The following DTHD1 variants were observed in gnomAD, a reference collection of about 807,000 sequenced individuals.
The protein encoded by DTHD1 is death domain containing 1, also known as death domain-containing protein 1.
In DTHD1, 59 loss-of-function variants were observed where a neutral mutation model predicts 74.8. The ratio of observed to expected loss-of-function variants is 0.79; its 90% CI spans 0.64 to 0.98. The LOEUF (loss-of-function observed/expected upper bound fraction) is 0.98. DTHD1 is among the 50% of genes least tolerant of loss of function. DTHD1 has a pLI of 0.00. For missense variants in DTHD1, 1,051 were observed against 1,065.4 expected, an observed-to-expected ratio of 0.99 and a Z score of 0.19; for synonymous variants, 365 against 371.1, an observed-to-expected ratio of 0.98 and a Z score of 0.19.
chr4:36,312,938 T>A (rs1002256123), intron 7 of DTHD1, among the ~76,000 whole-genome samples: 1 of 152,200 alleles, frequency 6.6e-6, no homozygotes, highest in Non-Finnish European at 1.5e-5. Context: ...TCAGTTACTG[T>A]TTAATTGCAG....
In DTHD1 at chr4:36,344,771, G is replaced by C. The variant is rs1759504933; in HGVS notation, c.*947G>C. The C allele has an allele frequency of 6.6e-6, 1 of 152,174 alleles. No homozygotes were observed. Among genetic ancestry groups the C allele is most frequent in the Non-Finnish European group, 1.5e-5 (1 of 68,032 alleles). The allele number at this position is 152,174 out of a possible 1,614,324, so 9.4% of individuals were successfully genotyped here. ...AACTTTGAAATGCCCTTGGCTGAGA[G>C]AAGGGGCTTGTTCAGATAGTTGGGA... On this transcript the variant is annotated 3_prime_UTR_variant, in exon 10 of 10. Coordinates refer to ENST00000639862, the MANE Select transcript of DTHD1 (RefSeq NM_001170700.3).
chr4:36,293,790 A>G (rs1756230958), intron 4 of DTHD1, 85 bp downstream of exon 4: 2 of 1,147,310 alleles, frequency 1.7e-6, no homozygotes, highest in Non-Finnish European at 1.2e-6. Flanking sequence ...GAAGGTATCA[A>G]TATTTAATAT....
Position 36,336,789 on chromosome 4 carries a change from A to G in DTHD1, c.2341-2323A>G, listed in dbSNP as rs531881561. Among the ~76,000 whole-genome samples the G allele has an allele frequency of 2.0e-5, 3 of 152,360 alleles. No individual in the cohort carries two copies. In the East Asian group the frequency reaches 5.8e-4, roughly 29 times the overall value. ...AACAAACAGTTTCAAAGTATATTTC[A>G]AGGCTAAAAGCAAGAAAAGAAAAAT... On this transcript the variant is annotated intron_variant, in intron 8 of 9. Coordinates refer to ENST00000639862, the MANE Select transcript of DTHD1 (RefSeq NM_001170700.3).
At chr4:36,285,298 G>C (rs1755635538) in intron 2 of DTHD1, among the ~76,000 whole-genome samples, 3 of 152,272 alleles carry the variant, frequency 2.0e-5, no homozygotes, top group African/African-American at 7.2e-5. Context: ...GGTGTTAGAA[G>C]ATTTGGAGAG....
chr4:36,319,050 T>A (rs1489775114), intron 8 of DTHD1, among the ~76,000 whole-genome samples: 1 of 152,222 alleles, frequency 6.6e-6, no homozygotes, highest in East Asian at 1.9e-4. Context: ...CACTTGTTAT[T>A]CTTATTCCCT....
intron 8 of DTHD1, among the ~76,000 whole-genome samples, chr4:36,330,760 A>G (rs1204690189): frequency 6.6e-6 from 1 of 152,162 alleles, no homozygotes; most frequent in Non-Finnish European, 1.5e-5. Flanking sequence ...TTACAAGTAC[A>G]TCCTCACTCA....
intron 9 of DTHD1, among the ~76,000 whole-genome samples, 174 bp downstream of exon 9, chr4:36,339,343 C>T (rs1309812284): frequency 1.3e-5 from 2 of 152,152 alleles, no homozygotes; most frequent in Non-Finnish European, 2.9e-5. Context: ...ACAAATAAAC[C>T]AAACTAGCAT....
At chr4:36,319,348 G>C (rs1757928840) in intron 8 of DTHD1, among the ~76,000 whole-genome samples, 1 of 152,160 alleles carries the variant, frequency 6.6e-6, no homozygotes, top group African/African-American at 2.4e-5. Context: ...AAGAACTATT[G>C]ACTTGAAGGA....
chr4:36,319,967 C>T (rs1460503091), intron 8 of DTHD1, among the ~76,000 whole-genome samples: 4 of 152,188 alleles, frequency 2.6e-5, no homozygotes, highest in African/African-American at 9.7e-5. Flanking sequence ...CCTCACTCCT[C>T]CTTTGTACCA....
rs1198741715 is a variant in DTHD1 at position 36,346,112 on chromosome 4, C to T, written c.*2288C>T. ...ACATACATAAATACATGTGCACACA[C>T]ACACACCCCTCACACACATATAGTT... On this transcript the variant is annotated 3_prime_UTR_variant, in exon 10 of 10. Transcript: ENST00000639862. Among the ~76,000 whole-genome samples, 4 of 152,054 alleles carry T rather than the reference C, an allele frequency of 2.6e-5. No individual in the cohort carries two copies. The highest frequency in any genetic ancestry group is 6.6e-5 in the Admixed American group (1 of 15,248).
chr4:36,335,848 A>G (rs16992103), intron 8 of DTHD1, among the ~76,000 whole-genome samples: 8,154 of 152,330 alleles, frequency 0.054, 277 homozygotes, highest in South Asian at 0.15. Context: ...AATTCAATAC[A>G]GGGCTATAAT....
intron 8 of DTHD1, among the ~76,000 whole-genome samples, chr4:36,338,368 T>C (rs1759128439): frequency 6.6e-6 from 1 of 152,104 alleles, no homozygotes; most frequent in Admixed American, 6.6e-5. Context: ...CGAAAGAACA[T>C]TTTAGTTGTT....
rs139431202 is a variant in DTHD1 at position 36,308,599 on chromosome 4, C to T, written c.2095+106C>T. On this transcript the variant is annotated intron_variant, in intron 7 of 9. Transcript: ENST00000639862. Reference sequence around the variant, plus strand: ...ACTAAGGAAACCTTCAGAGGATTGACGAGAGACTTTAGGAAGTAGGAAGAG... The same window carrying T: ...ACTAAGGAAACCTTCAGAGGATTGATGAGAGACTTTAGGAAGTAGGAAGAG... 376 of 904,762 alleles carry T rather than the reference C, an allele frequency of 4.2e-4. 3 individuals carry two copies. The East Asian group carries it at 8.2e-3, about 20-fold the overall frequency. The allele number at this position is 904,762 out of a possible 1,614,324, so 56.0% of individuals were successfully genotyped here. A position where few individuals can be genotyped will look rare whatever the true frequency, so the allele number is the denominator to read the frequency against.
chr4:36,286,541 C>A (rs1417603739), intron 2 of DTHD1, among the ~76,000 whole-genome samples: 1 of 152,170 alleles, frequency 6.6e-6, no homozygotes, highest in Non-Finnish European at 1.5e-5. Context: ...TCCTAGCTGT[C>A]CTGGTGTATA....
chr4:36,315,327 T>C (rs1397143556), intron 7 of DTHD1, among the ~76,000 whole-genome samples: 2 of 152,240 alleles, frequency 1.3e-5, no homozygotes, highest in African/African-American at 2.4e-5. Context: ...CAGGTTTTCA[T>C]AGAAATTTCA....
At chr4:36,303,717 T>C (rs1374577785) in intron 5 of DTHD1, among the ~76,000 whole-genome samples, 3 of 152,184 alleles carry the variant, frequency 2.0e-5, no homozygotes, top group South Asian at 2.1e-4. Flanking sequence ...AAGACAGATA[T>C]AGCACAGATT....
At chr4:36,304,165 C>T (rs886617355) in intron 5 of DTHD1, among the ~76,000 whole-genome samples, 6 of 152,104 alleles carry the variant, frequency 3.9e-5, no homozygotes, top group African/African-American at 1.4e-4. Context: ...TTGGTCTCCA[C>T]AAATACTTTA....
chr4:36,320,418 T>A (rs990886269), intron 8 of DTHD1, among the ~76,000 whole-genome samples: 2 of 152,222 alleles, frequency 1.3e-5, no homozygotes, highest in African/African-American at 4.8e-5. Flanking sequence ...CTGCAAACCT[T>A]ACAGTTACTC....
chr4:36,294,995 A>C lies in DTHD1; in HGVS notation c.1599A>C (p.Arg533Ser). ...NLGSEIDHKR[R>S]ASATINRITP... ...GTTCTGAGATAGATCATAAAAGAAG[A>C]GCAAGTGCCACAATAAATAGGATTA... is the stretch of plus-strand genomic sequence containing the variant. Residue 533 changes from arginine (R) to serine (S), a missense_variant, in exon 5 of 10, where the codon AGA becomes AGC. Arg to Ser is a moderately radical substitution (Grantham distance 110). Transcript: ENST00000639862. The C allele has an allele frequency of 6.4e-7, 1 of 1,550,924 alleles. No individual in the cohort carries two copies. Among genetic ancestry groups the C allele is most frequent in the Non-Finnish European group, 8.7e-7 (1 of 1,146,244 alleles).
Sources: allele counts gnomAD v4.1 joint callset (sites outside exome capture counted in the v4.1 genomes callset), GRCh38; gene constraint gnomAD v4.1.1; transcripts MANE v1.5; gene names NCBI Gene and HGNC (gene_info 2026-07-23, HGNC 2026-07-21).